GALNT13: variants seen among roughly 807,000 people sequenced by gnomAD.
GALNT13 encodes the protein UDP-GalNAc:polypeptide N-acetylgalactosaminyltransferase 13.
A neutral mutation model predicts 64.2 loss-of-function variants in GALNT13; 28 were observed. The ratio of observed to expected loss-of-function variants is 0.44; its 90% CI spans 0.32 to 0.60. The LOEUF (loss-of-function observed/expected upper bound fraction) is 0.60, where lower values mean the gene tolerates loss of function less well. Among genes scored for constraint, GALNT13 ranks in the 20% least tolerant of loss-of-function variants. The pLI, the probability that GALNT13 is intolerant of heterozygous loss-of-function variation, is 0.05. For missense variants in GALNT13, 577 were observed against 669.8 expected, an observed-to-expected ratio of 0.86 and a Z score of 1.53; for synonymous variants, 214 against 224.6, an observed-to-expected ratio of 0.95 and a Z score of 0.42.
In GALNT13 at chr2:154,020,036, AT is replaced by A. The variant is rs201039907; in HGVS notation, c.142+75403del. Among the ~76,000 whole-genome samples the A allele has an allele frequency of 2.4e-3, 361 of 152,180 alleles. 8 individuals carry two copies. In the East Asian group the frequency reaches 0.054, roughly 23 times the overall value. On this transcript the variant is annotated intron_variant, in intron 3 of 12. Transcript: ENST00000392825. The stretch of plus-strand genomic sequence containing the variant: ...TCTCTACAAAGGACATGAACTCATC[AT>A]TTTTTATGGCTGCATAGTATTCCAT...
intron 3 of GALNT13, among the ~76,000 whole-genome samples, chr2:154,084,278 T>A (rs948907960): frequency 2.0e-5 from 3 of 151,882 alleles, no homozygotes; most frequent in Non-Finnish European, 4.4e-5. Context: ...AATTATAAAT[T>A]AATGATGGGA....
intron 2 of GALNT13, among the ~76,000 whole-genome samples, chr2:153,906,167 A>G (rs1467379414): frequency 1.3e-5 from 2 of 151,510 alleles, no homozygotes; most frequent in East Asian, 3.9e-4. Context: ...TTGATCTTTT[A>G]GTTTCTCTTA....
chr2:153,473,857 C>A, the GALNT13 span, among the ~76,000 whole-genome samples: 183 of 152,260 alleles, frequency 1.2e-3, 2 homozygotes, highest in South Asian at 0.017. Flanking sequence ...TCTTCAAACA[C>A]CCTAGTAGTT....
chr2:153,789,689 T>C, the GALNT13 span, among the ~76,000 whole-genome samples: 1 of 151,998 alleles, frequency 6.6e-6, no homozygotes. Context: ...GGCCACTTGC[T>C]AGACTAACAA....
chr2:154,446,722 T>G (rs1463906389), intron 12 of GALNT13: 5 of 1,544,408 alleles, frequency 3.2e-6, no homozygotes, highest in Non-Finnish European at 4.4e-6. Context: ...TTTAGAAATA[T>G]TTTTGGGAAT....
the GALNT13 span, among the ~76,000 whole-genome samples, chr2:153,093,025 C>T: frequency 6.7e-6 from 1 of 149,530 alleles, no homozygotes; most frequent in South Asian, 2.1e-4. Context: ...TATATGCCTT[C>T]TATCCTCAGT....
At chr2:153,366,459 T>A in the GALNT13 span, among the ~76,000 whole-genome samples, 1 of 151,376 alleles carries the variant, frequency 6.6e-6, no homozygotes, top group African/African-American at 2.4e-5. Context: ...ACAGAAATTA[T>A]CTAAACTGAA....
chr2:154,190,425 C>A, intron 4 of GALNT13, among the ~76,000 whole-genome samples: 1 of 152,234 alleles, frequency 6.6e-6, no homozygotes, highest in East Asian at 1.9e-4. Context: ...TTAAAAAGAA[C>A]CAAATATAAT....
intron 3 of GALNT13, among the ~76,000 whole-genome samples, chr2:154,133,925 G>A (rs1323847432): frequency 6.6e-6 from 1 of 152,058 alleles, no homozygotes; most frequent in African/African-American, 2.4e-5. Context: ...ATGAGCAAAT[G>A]GCTCTCTTCC....
the GALNT13 span, among the ~76,000 whole-genome samples, chr2:153,713,803 C>A: frequency 6.6e-6 from 1 of 152,140 alleles, no homozygotes; most frequent in Non-Finnish European, 1.5e-5. Flanking sequence ...CTTTTAATGC[C>A]TATGGAACAT....
the GALNT13 span, among the ~76,000 whole-genome samples, chr2:153,503,442 A>T: frequency 4.6e-5 from 7 of 151,318 alleles, no homozygotes; most frequent in South Asian, 2.1e-4. Context: ...TTTTTTTTTT[A>T]AATAATTAAT....
chr2:153,097,904 A>T, the GALNT13 span, among the ~76,000 whole-genome samples: 2 of 152,146 alleles, frequency 1.3e-5, no homozygotes, highest in African/African-American at 2.4e-5. Context: ...CCTCTCTGCT[A>T]GAAATTCAAA....
the GALNT13 span, among the ~76,000 whole-genome samples, chr2:153,281,418 T>C: frequency 6.6e-6 from 1 of 152,144 alleles, no homozygotes; most frequent in Admixed American, 6.5e-5. Context: ...CCATACTGAT[T>C]ATCAGGAAGC....
chr2:153,884,910 G>T (rs1193139489), intron 1 of GALNT13, among the ~76,000 whole-genome samples: 4 of 141,984 alleles, frequency 2.8e-5, no homozygotes, highest in Admixed American at 2.8e-4. Flanking sequence ...GTCGTGGCAC[G>T]CACTTCTAGT....
chr2:153,959,438 T>G (rs1440731254), intron 3 of GALNT13, among the ~76,000 whole-genome samples: 1 of 151,938 alleles, frequency 6.6e-6, no homozygotes, highest in East Asian at 1.9e-4. Flanking sequence ...AATGTAAGAG[T>G]GCACATCAAA....
chr2:154,027,674 A>G (rs1210418638), intron 3 of GALNT13, among the ~76,000 whole-genome samples: 3 of 152,172 alleles, frequency 2.0e-5, no homozygotes, highest in Non-Finnish European at 4.4e-5. Flanking sequence ...TATTAAAGTC[A>G]TTCCTAGAGT....
In GALNT13 at chr2:154,220,680, C is replaced by T. The variant is rs549393726; in HGVS notation, c.312-21350C>T. ...ATCATGGGTTTATTATTTTGCAATG[C>T]CAGTAATAAAGCAAGTTGTCATAAA... On this transcript the variant is annotated intron_variant, in intron 4 of 12. Coordinates refer to ENST00000392825, the MANE Select transcript of GALNT13 (RefSeq NM_052917.4). 2.7e-3 allele frequency among the ~76,000 whole-genome samples: 410 copies of T among 151,990 alleles called. 3 individuals carry two copies. Among genetic ancestry groups the T allele is most frequent in the African/African-American group, 9.8e-3 (406 of 41,514 alleles).
the GALNT13 span, among the ~76,000 whole-genome samples, chr2:153,298,712 A>G: frequency 6.6e-6 from 1 of 152,190 alleles, no homozygotes; most frequent in Admixed American, 6.5e-5. Flanking sequence ...TCTGCAAAGA[A>G]GAGAATAGAG....
At position 154,178,557 on chromosome 2, in the gene GALNT13, A is replaced by C. The variant is rs539635233; in HGVS notation, c.311+38052A>C. Among the ~76,000 whole-genome samples, 40 of 152,058 alleles carry C rather than the reference A, an allele frequency of 2.6e-4. No homozygotes were observed. In the South Asian group the frequency reaches 3.1e-3, roughly 12 times the overall value. On this transcript the variant is annotated intron_variant, in intron 4 of 12. Coordinates refer to ENST00000392825, the MANE Select transcript of GALNT13 (RefSeq NM_052917.4). ...GTTGTGCACATGTACCCTAAAACTT[A>C]AAGTATAATTAAAAATAATAATAAT... is the stretch of plus-strand genomic sequence containing the variant.
Sources: allele counts gnomAD v4.1 joint callset (sites outside exome capture counted in the v4.1 genomes callset), GRCh38; gene constraint gnomAD v4.1.1; transcripts MANE v1.5; gene names NCBI Gene and HGNC (gene_info 2026-07-23, HGNC 2026-07-21).